The following GRM5 variants were observed in gnomAD, a reference collection of about 807,000 sequenced individuals.
The protein encoded by GRM5 is metabotropic glutamate receptor 5.
Under a neutral mutation model 83.1 loss-of-function variants are expected in GRM5, and 19 were observed. The ratio of observed to expected loss-of-function variants is 0.23; its 90% CI spans 0.16 to 0.34. The LOEUF (loss-of-function observed/expected upper bound fraction) is 0.34. GRM5 is among the 10% of genes least tolerant of loss of function. GRM5 has a pLI of 1.00. For missense variants in GRM5, 1,160 were observed against 1,588.3 expected (o/e 0.73, Z 4.58); for synonymous variants, 675 against 633.6 (o/e 1.07, Z -0.98).
intron 3 of GRM5, among the ~76,000 whole-genome samples, chr11:88,720,188 A>G (rs1480167989): frequency 6.6e-6 from 1 of 152,096 alleles, no homozygotes; most frequent in Non-Finnish European, 1.5e-5. Context: ...ATATGCATGG[A>G]AGACAGGAAA....
chr11:88,819,051 G>A (rs950358816), intron 3 of GRM5, among the ~76,000 whole-genome samples: 5 of 152,092 alleles, frequency 3.3e-5, no homozygotes, highest in African/African-American at 1.2e-4. Flanking sequence ...TCCAGCTCTA[G>A]GTGAAGGACA....
At chr11:88,660,674 T>C (rs1939882236) in intron 3 of GRM5, among the ~76,000 whole-genome samples, 1 of 152,176 alleles carries the variant, frequency 6.6e-6, no homozygotes, top group Admixed American at 6.6e-5. Context: ...CTGAAATCAT[T>C]AGTTATGCTT....
intron 7 of GRM5, among the ~76,000 whole-genome samples, chr11:88,581,054 G>A (rs1036828862): frequency 3.3e-5 from 5 of 152,188 alleles, no homozygotes; most frequent in African/African-American, 7.2e-5. Context: ...GTTGCAGTGA[G>A]CTGAGACAGT....
chr11:88,578,626 T>G (rs77080521), intron 7 of GRM5, among the ~76,000 whole-genome samples: 2,359 of 152,322 alleles, frequency 0.015, 65 homozygotes, highest in African/African-American at 0.054. Context: ...TTCAGCCCTT[T>G]TTTTCTTCTT....
intron 3 of GRM5, among the ~76,000 whole-genome samples, chr11:88,693,654 T>C (rs1247152247): frequency 3.3e-5 from 5 of 152,208 alleles, no homozygotes; most frequent in Non-Finnish European, 5.9e-5. Flanking sequence ...GGGCTGCCCA[T>C]GTAAGCCTTA....
intron 2 of GRM5, among the ~76,000 whole-genome samples, chr11:88,860,075 A>C (rs1944536640): frequency 6.6e-6 from 1 of 152,208 alleles, no homozygotes; most frequent in Non-Finnish European, 1.5e-5. Flanking sequence ...GAGACCATAG[A>C]AAATGACAAA....
chr11:88,575,471 A>C (rs915583000), intron 7 of GRM5, among the ~76,000 whole-genome samples: 7 of 152,218 alleles, frequency 4.6e-5, no homozygotes, highest in African/African-American at 1.7e-4. Context: ...CTCCTCTGAA[A>C]GAAGTCCTGA....
At chr11:88,991,450 T>C (rs372888197) in intron 2 of GRM5, among the ~76,000 whole-genome samples, 8 of 152,112 alleles carry the variant, frequency 5.3e-5, no homozygotes, top group East Asian at 3.9e-4. Context: ...AGGTAATTTA[T>C]AGATTCAATG....
chr11:88,831,808 C>T (rs879671897), intron 3 of GRM5, among the ~76,000 whole-genome samples: 1 of 152,206 alleles, frequency 6.6e-6, no homozygotes, highest in Non-Finnish European at 1.5e-5. Context: ...ACCAACACAA[C>T]ACCCACTGCT....
chr11:88,957,832 G>C (rs577769120), intron 2 of GRM5, among the ~76,000 whole-genome samples: 1 of 151,812 alleles, frequency 6.6e-6, no homozygotes, highest in African/African-American at 2.4e-5. Flanking sequence ...AATGTAAATA[G>C]AGTTTACAAA....
At chr11:88,723,025 TCTC>T (rs1247298715) in intron 3 of GRM5, among the ~76,000 whole-genome samples, 3 of 152,112 alleles carry the variant, frequency 2.0e-5, no homozygotes, top group African/African-American at 4.8e-5. Flanking sequence ...TCATCCTTCT[TCTC>T]CTGCTCCCTC....
chr11:88,559,933 G>C (rs985283224), intron 8 of GRM5, among the ~76,000 whole-genome samples: 2 of 152,160 alleles, frequency 1.3e-5, no homozygotes, highest in Non-Finnish European at 2.9e-5. Flanking sequence ...TGCAGTCTCA[G>C]AGGGCCAGGA....
chr11:88,542,776 A>T (rs1193465017), intron 8 of GRM5, among the ~76,000 whole-genome samples: 1 of 152,294 alleles, frequency 6.6e-6, no homozygotes, highest in East Asian at 1.9e-4. Flanking sequence ...CATGGTAAAG[A>T]TAATAACACC....
At position 88,932,458 on chromosome 11, in the gene GRM5, A is replaced by G. The variant is rs371810557; in HGVS notation, c.662-82303T>C. On this transcript the variant is annotated intron_variant, in intron 2 of 9. Coordinates refer to ENST00000305447, the MANE Select transcript of GRM5 (RefSeq NM_001143831.3). Reference sequence around the variant, plus strand: ...GTTAGCTAGTGATATGGAAATTTTCATAATATGTGTAAGTGATGCTTAGCC... The same window carrying G: ...GTTAGCTAGTGATATGGAAATTTTCGTAATATGTGTAAGTGATGCTTAGCC... Among the ~76,000 whole-genome samples, 18 of 152,122 alleles carry G rather than the reference A, an allele frequency of 1.2e-4. No individual in the cohort carries two copies. In the South Asian group the frequency reaches 3.5e-3, roughly 30 times the overall value.
intron 3 of GRM5, among the ~76,000 whole-genome samples, chr11:88,823,352 T>C (rs1170748098): frequency 6.6e-6 from 1 of 151,876 alleles, no homozygotes; most frequent in African/African-American, 2.4e-5. Flanking sequence ...ATATTTTGTT[T>C]TGTGTTTAAG....
At chr11:89,037,482 C>G (rs1017798737) in intron 2 of GRM5, among the ~76,000 whole-genome samples, 5 of 152,014 alleles carry the variant, frequency 3.3e-5, no homozygotes, top group African/African-American at 1.2e-4. Context: ...CAGTTTGTTG[C>G]AAATATATCC....
At chr11:89,015,706 T>A (rs1353877104) in intron 2 of GRM5, among the ~76,000 whole-genome samples, 1 of 152,170 alleles carries the variant, frequency 6.6e-6, no homozygotes, top group Admixed American at 6.5e-5. Context: ...TTGGAGGATG[T>A]ACATTGAACT....
At chr11:88,580,741 G>A (rs1943201001) in intron 7 of GRM5, among the ~76,000 whole-genome samples, 1 of 152,230 alleles carries the variant, frequency 6.6e-6, no homozygotes, top group Non-Finnish European at 1.5e-5. Context: ...GTTTATAACA[G>A]TAAGCTTAGT....
At chr11:88,711,126 G>A (rs1181296521) in intron 3 of GRM5, among the ~76,000 whole-genome samples, 2 of 152,068 alleles carry the variant, frequency 1.3e-5, no homozygotes, top group Non-Finnish European at 1.5e-5. Flanking sequence ...AAGGGATAAT[G>A]GGAGGGAGCA....
Sources: gnomAD v4.1 joint callset for allele counts (sites outside exome capture counted in the v4.1 genomes callset) on GRCh38, gnomAD v4.1.1 for gene constraint, MANE v1.5 for transcripts, NCBI Gene and HGNC (gene_info 2026-07-23, HGNC 2026-07-21) for gene names.